KCNH1: variants seen among roughly 807,000 people sequenced by gnomAD.
KCNH1 encodes the protein potassium voltage-gated channel subfamily H member 1.
Under a neutral mutation model 69.2 loss-of-function variants are expected in KCNH1, and 27 were observed. The observed-to-expected ratio is 0.39, with a 90% CI of 0.29 to 0.54. KCNH1 has a LOEUF of 0.54. Among genes scored for constraint, KCNH1 ranks in the 20% least tolerant of loss-of-function variants. The probability of loss-of-function intolerance (pLI) is 0.68; values close to 1 mark genes in which losing one functional copy is unlikely to be tolerated. For missense variants in KCNH1, 798 were observed against 1,261.6 expected (o/e 0.63, Z 5.57); for synonymous variants, 456 against 487.7 (o/e 0.93, Z 0.86).
intron 6 of KCNH1, among the ~76,000 whole-genome samples, chr1:210,981,945 T>C (rs1247221230): frequency 6.6e-6 from 1 of 152,012 alleles, no homozygotes; most frequent in Non-Finnish European, 1.5e-5. Flanking sequence ...GATGCATAGG[T>C]TGGGGGAAGC....
chr1:211,093,106 C>A (rs1283169138), intron 3 of KCNH1, among the ~76,000 whole-genome samples: 1 of 152,198 alleles, frequency 6.6e-6, no homozygotes, highest in Non-Finnish European at 1.5e-5. Context: ...TGCAGCCCTG[C>A]AGCCCATCAC....
At chr1:210,997,599 T>C (rs1016324074) in intron 6 of KCNH1, among the ~76,000 whole-genome samples, 1 of 152,120 alleles carries the variant, frequency 6.6e-6, no homozygotes, top group East Asian at 1.9e-4. Flanking sequence ...CAGGATATTA[T>C]CCAGGAGAAC....
At chr1:210,784,466 A>C (rs908259554) in intron 9 of KCNH1, among the ~76,000 whole-genome samples, 1 of 152,198 alleles carries the variant, frequency 6.6e-6, no homozygotes, top group Admixed American at 6.5e-5. Flanking sequence ...GCAGGAATAA[A>C]GCCTTAGCTC....
intron 6 of KCNH1, among the ~76,000 whole-genome samples, chr1:210,983,781 T>C (rs1055683534): frequency 3.9e-5 from 6 of 152,214 alleles, no homozygotes; most frequent in Non-Finnish European, 7.3e-5. Flanking sequence ...ATATGAACTT[T>C]AAAGTAGTTT....
chr1:210,993,030 C>A (rs961632702), intron 6 of KCNH1, among the ~76,000 whole-genome samples: 3 of 152,142 alleles, frequency 2.0e-5, no homozygotes, highest in Admixed American at 6.6e-5. Flanking sequence ...CTCTAGGCCC[C>A]CACCCACATC....
chr1:210,998,060 G>A (rs1689087596), intron 6 of KCNH1, among the ~76,000 whole-genome samples: 1 of 152,160 alleles, frequency 6.6e-6, no homozygotes, highest in African/African-American at 2.4e-5. Context: ...GCAAAAACAT[G>A]CCAAGTTGTA....
chr1:210,755,821 C>A (rs1200058411), intron 10 of KCNH1, among the ~76,000 whole-genome samples: 1 of 152,170 alleles, frequency 6.6e-6, no homozygotes, highest in Non-Finnish European at 1.5e-5. Flanking sequence ...CCACTCACAG[C>A]AAATTTTCTG....
At chr1:210,956,017 C>G (rs190702841) in intron 6 of KCNH1, among the ~76,000 whole-genome samples, 107 of 152,266 alleles carry the variant, frequency 7.0e-4, no homozygotes, top group Admixed American at 2.2e-3. Context: ...TTTGCCCATT[C>G]AGTATGATAT....
chr1:210,715,736 A>AAAAC (rs1682216181), intron 10 of KCNH1, among the ~76,000 whole-genome samples: 1 of 152,178 alleles, frequency 6.6e-6, no homozygotes, highest in Admixed American at 6.5e-5. Context: ...AATAATCATC[A>AAAAC]AAACAAACCC....
chr1:210,685,592 C>T (rs1681391975), intron 10 of KCNH1, among the ~76,000 whole-genome samples: 2 of 152,172 alleles, frequency 1.3e-5, no homozygotes, highest in African/African-American at 4.8e-5. Context: ...CAGCTTCCTC[C>T]TTAAAAAGTG....
At chr1:210,766,907 A>C (rs1683647248) in intron 10 of KCNH1, among the ~76,000 whole-genome samples, 1 of 152,206 alleles carries the variant, frequency 6.6e-6, no homozygotes, top group Non-Finnish European at 1.5e-5. Flanking sequence ...TCTTTTTATT[A>C]ATCTAACATC....
At chr1:211,104,304 C>T (rs1283613197) in intron 2 of KCNH1, among the ~76,000 whole-genome samples, 3 of 152,100 alleles carry the variant, frequency 2.0e-5, no homozygotes, top group Non-Finnish European at 1.5e-5. Context: ...TTTAGAAATA[C>T]AACTCTGGGA....
chr1:210,950,589 G>A (rs1688047170), intron 6 of KCNH1, among the ~76,000 whole-genome samples: 1 of 151,520 alleles, frequency 6.6e-6, no homozygotes. Flanking sequence ...TGGTGTATAT[G>A]TGCCACATTT....
intron 6 of KCNH1, among the ~76,000 whole-genome samples, chr1:210,978,328 G>A (rs894014445): frequency 1.1e-4 from 16 of 152,088 alleles, no homozygotes; most frequent in Admixed American, 5.2e-4. Flanking sequence ...ATGAGCCACC[G>A]CGCCCGGCCT....
chr1:211,081,916 T>C (rs1448013843), intron 5 of KCNH1, among the ~76,000 whole-genome samples: 2 of 152,198 alleles, frequency 1.3e-5, no homozygotes, highest in Admixed American at 1.3e-4. Context: ...TGTATACCTA[T>C]GTAATAAGCC....
chr1:210,716,230 G>A (rs527355256), intron 10 of KCNH1, among the ~76,000 whole-genome samples: 1 of 151,992 alleles, frequency 6.6e-6, no homozygotes, highest in East Asian at 1.9e-4. Context: ...TCAGAAGATC[G>A]AGACCATCCT....
intron 7 of KCNH1, among the ~76,000 whole-genome samples, chr1:210,884,547 G>C (rs1208597420): frequency 1.3e-5 from 2 of 152,140 alleles, no homozygotes; most frequent in Admixed American, 1.3e-4. Flanking sequence ...ACTCAGACCT[G>C]ACTTCAGATC....
chr1:210,855,363 C>A (rs1685810200), intron 7 of KCNH1, among the ~76,000 whole-genome samples: 1 of 152,166 alleles, frequency 6.6e-6, no homozygotes. Context: ...AGCTTCTAAG[C>A]AAAATTGATT....
chr1:210,822,053 G>A (rs1684940128), intron 7 of KCNH1, among the ~76,000 whole-genome samples: 1 of 151,968 alleles, frequency 6.6e-6, no homozygotes. Context: ...CTTGGGTGGG[G>A]AATGGCACTA....
Sources: gnomAD v4.1 joint callset for allele counts (sites outside exome capture counted in the v4.1 genomes callset) on GRCh38, gnomAD v4.1.1 for gene constraint, MANE v1.5 for transcripts, NCBI Gene and HGNC (gene_info 2026-07-23, HGNC 2026-07-21) for gene names.